Variants in APP observed in about 807,000 individuals in gnomAD.
The protein encoded by APP is amyloid beta precursor protein.
A neutral mutation model predicts 101.4 loss-of-function variants in APP; 31 were observed. The ratio of observed to expected loss-of-function variants is 0.31; its 90% CI spans 0.23 to 0.41. The LOEUF is 0.41. Among genes scored for constraint, APP ranks in the 10% least tolerant of loss-of-function variants. APP has a pLI of 1.00. For synonymous variants in APP, 366 were observed against 364.4 expected, an observed-to-expected ratio of 1.00 and a Z score of -0.05; for missense variants, 839 against 1,003.7, an observed-to-expected ratio of 0.84 and a Z score of 2.22.
intron 1 of APP, among the ~76,000 whole-genome samples, chr21:26,150,338 C>T (rs2146338783): frequency 6.6e-6 from 1 of 152,214 alleles, no homozygotes; most frequent in South Asian, 2.1e-4. Flanking sequence ...CTAGTGGTCT[C>T]TCCAGGGATG....
intron 11 of APP, 115 bp downstream of exon 11, chr21:25,974,955 A>T (rs1048752805): frequency 1.2e-5 from 17 of 1,463,196 alleles, no homozygotes; most frequent in Non-Finnish European, 1.6e-5. Flanking sequence ...CCTCTGAATA[A>T]CAGTGCTCAA....
chr21:26,074,396 A>G (rs1337574366), intron 3 of APP, among the ~76,000 whole-genome samples: 1 of 152,242 alleles, frequency 6.6e-6, no homozygotes, highest in Non-Finnish European at 1.5e-5. Context: ...AAGGTACAAC[A>G]TAAGAATCTG....
Position 26,089,976 on chromosome 21 carries a change from G to T in APP, c.322C>A (p.His108Asn). The T allele has an allele frequency of 6.2e-7, 1 of 1,614,214 alleles. No homozygotes were observed. Among genetic ancestry groups the T allele is most frequent in the South Asian group, 1.1e-5 (1 of 91,086 alleles). The change falls in exon 3 of 18, where the codon CAT becomes AAT. Residue 108 changes from histidine (H) to asparagine (N), a missense_variant. His to Asn is a moderately conservative substitution (Grantham distance 68). Transcript: ENST00000346798. Reference protein sequence around the residue: ...CKRGRKQCKTHPHFVIPYRCL... With the variant: ...CKRGRKQCKTNPHFVIPYRCL... Reference sequence around the variant, plus strand: ...CGGTAGGGAATCACAAAGTGGGGATGGGTCTTGCACTGCTTGCGGCCCCGC... The same window carrying T: ...CGGTAGGGAATCACAAAGTGGGGATTGGTCTTGCACTGCTTGCGGCCCCGC...
chr21:26,163,003 G>A (rs1357895618), intron 1 of APP, among the ~76,000 whole-genome samples: 1 of 149,536 alleles, frequency 6.7e-6, no homozygotes, highest in Non-Finnish European at 1.5e-5. Flanking sequence ...CTAGGTGGGT[G>A]GATCACTTGA....
intron 9 of APP, among the ~76,000 whole-genome samples, chr21:25,980,227 G>A (rs1359299401): frequency 6.6e-6 from 1 of 152,208 alleles, no homozygotes. Flanking sequence ...ACAGTGGTAG[G>A]CGCTGAAAAT....
chr21:25,918,645 T>C (rs1333464443), intron 13 of APP, among the ~76,000 whole-genome samples: 1 of 151,716 alleles, frequency 6.6e-6, no homozygotes, highest in African/African-American at 2.4e-5. Context: ...ATCGGGTCAC[T>C]CCCACCCGAA....
chr21:26,129,667 G>C (rs2062754071), intron 1 of APP, among the ~76,000 whole-genome samples: 1 of 152,136 alleles, frequency 6.6e-6, no homozygotes, highest in Non-Finnish European at 1.5e-5. Flanking sequence ...GTGACACGAA[G>C]TATAGACAAT....
At chr21:25,968,311 AT>A (rs2041874787) in intron 11 of APP, among the ~76,000 whole-genome samples, 1 of 150,030 alleles carries the variant, frequency 6.7e-6, no homozygotes, top group South Asian at 2.1e-4. Flanking sequence ...TGCCTGGCTA[AT>A]TAAAAAAATC....
At chr21:26,171,078 A>C (rs950548562), upstream of APP, 1 of 154,448 alleles carries the variant, frequency 6.5e-6, no homozygotes, top group African/African-American at 2.4e-5. Context: ...CTGAGGCTCT[A>C]GAAAAGTCGA....
At chr21:25,898,803 T>C (rs1305161888) in intron 15 of APP, among the ~76,000 whole-genome samples, 1 of 152,206 alleles carries the variant, frequency 6.6e-6, no homozygotes, top group Non-Finnish European at 1.5e-5. Flanking sequence ...TTACTTGGGC[T>C]ACACATTCCC....
intron 13 of APP, among the ~76,000 whole-genome samples, chr21:25,925,803 G>T (rs1038532744): frequency 6.6e-6 from 1 of 152,172 alleles, no homozygotes; most frequent in Non-Finnish European, 1.5e-5. Context: ...AGGCACGGTG[G>T]TGTGTGCCTG....
rs2038190585 is a variant in APP, at chr21:25,897,980, G to A, written c.1964-307C>T. On this transcript the variant is annotated intron_variant, in intron 15 of 17. Transcript: ENST00000346798. ...TAAATCCTGGTTGAGAGGTTGGCAAGGATTTGTTCCTGGAATATGTTGGCT... is the reference window on the plus strand; with the variant it reads ...TAAATCCTGGTTGAGAGGTTGGCAAAGATTTGTTCCTGGAATATGTTGGCT... 5.0e-5 allele frequency: 20 copies of A among 397,964 alleles called. No individual in the cohort carries two copies. In the South Asian group the frequency reaches 5.2e-4, roughly 10 times the overall value. 24.7% of individuals were successfully genotyped at this position (397,964 alleles called of 1,614,324 possible). A position where few individuals can be genotyped will look rare whatever the true frequency, so the allele number is the denominator to read the frequency against.
rs1233600535 is a variant in APP, at chr21:26,117,886, A to C, written c.58-5740T>G. Among the ~76,000 whole-genome samples the C allele has an allele frequency of 5.3e-5, 8 of 152,324 alleles. No individual in the cohort carries two copies. In the East Asian group the frequency reaches 1.5e-3, roughly 29 times the overall value. Reference sequence around the variant, plus strand: ...TTGCCATGAAAGCGAATAGGAGAAAAACAATTCCTTTCAGAGGAGTAATCT... The same window carrying C: ...TTGCCATGAAAGCGAATAGGAGAAACACAATTCCTTTCAGAGGAGTAATCT... On this transcript the variant is annotated intron_variant, in intron 1 of 17. Coordinates refer to ENST00000346798, the MANE Select transcript of APP (RefSeq NM_000484.4).
chr21:26,133,466 T>C (rs999509246), intron 1 of APP, among the ~76,000 whole-genome samples: 2 of 152,098 alleles, frequency 1.3e-5, no homozygotes, highest in Non-Finnish European at 2.9e-5. Flanking sequence ...TCTTATTCTA[T>C]ATCTTTTGGC....
chr21:26,115,893 T>C (rs1156609424), intron 1 of APP, among the ~76,000 whole-genome samples: 1 of 152,222 alleles, frequency 6.6e-6, no homozygotes, highest in East Asian at 1.9e-4. Context: ...TATAACCACT[T>C]AACTACTACA....
At chr21:25,992,873 T>C (rs186702426) in intron 8 of APP, among the ~76,000 whole-genome samples, 3 of 152,354 alleles carry the variant, frequency 2.0e-5, no homozygotes, top group East Asian at 3.9e-4. Flanking sequence ...TCCAATGGTA[T>C]TGCAGAATGT....
chr21:26,068,043 G>A (rs894622530), intron 3 of APP: 40 of 152,138 alleles, frequency 2.6e-4, no homozygotes, highest in African/African-American at 8.5e-4. Flanking sequence ...GGTGTTCCGT[G>A]AGGCAAAAGA....
chr21:25,954,257 T>C (rs562197336), intron 13 of APP, among the ~76,000 whole-genome samples: 4 of 152,318 alleles, frequency 2.6e-5, no homozygotes, highest in Admixed American at 1.3e-4. Context: ...TCCCCATTAA[T>C]TGTAAAGTAC....
chr21:26,070,872 A>G lies in APP; in HGVS notation c.356-17524T>C, dbSNP rs910302284. ...AGATCCCATGTCAGATAGCAGAATGAGAACAAGGCTACTCTTCAACTTAGT... is the reference window on the plus strand; with the variant it reads ...AGATCCCATGTCAGATAGCAGAATGGGAACAAGGCTACTCTTCAACTTAGT... On this transcript the variant is annotated intron_variant, in intron 3 of 17. Transcript: ENST00000346798. 2.6e-5 allele frequency among the ~76,000 whole-genome samples: 4 copies of G among 152,356 alleles called. No individual in the cohort carries two copies. The South Asian group carries it at 6.2e-4, about 24-fold the overall frequency.
Sources: gnomAD v4.1 joint callset for allele counts (sites outside exome capture counted in the v4.1 genomes callset) on GRCh38, gnomAD v4.1.1 for gene constraint, MANE v1.5 for transcripts, NCBI Gene and HGNC (gene_info 2026-07-23, HGNC 2026-07-21) for gene names.